The following PCLO variants were observed in gnomAD, a reference collection of about 807,000 sequenced individuals.
PCLO encodes protein piccolo.
Under a neutral mutation model 427.5 loss-of-function variants are expected in PCLO, and 82 were observed. The ratio of observed to expected loss-of-function variants is 0.19; its 90% CI spans 0.16 to 0.23. PCLO has a LOEUF of 0.23. PCLO is among the 10% of genes least tolerant of loss of function. The pLI is 1.00. For synonymous variants in PCLO, 2,357 were observed against 2,155.4 expected, an observed-to-expected ratio of 1.09 and a Z score of -2.59; for missense variants, 6,239 against 6,115.9, an observed-to-expected ratio of 1.02 and a Z score of -0.67.
At chr7:82,914,150 CATCAAGAACTT>C (rs977104949) in intron 7 of PCLO, among the ~76,000 whole-genome samples, 2 of 151,938 alleles carry the variant, frequency 1.3e-5, no homozygotes, top group African/African-American at 4.8e-5. Context: ...ATTATACTAA[CATCAAGAACTT>C]ATCCAAAAGT....
intron 10 of PCLO, among the ~76,000 whole-genome samples, chr7:82,878,453 T>A (rs753605648): frequency 1.1e-4 from 17 of 152,088 alleles, no homozygotes; most frequent in Non-Finnish European, 2.2e-4. Flanking sequence ...AATAAAAAGG[T>A]TGCATTTACT....
intron 24 of PCLO, 56 bp from the exon 25 acceptor site, chr7:82,758,771 T>C (rs1180356406): frequency 3.7e-6 from 4 of 1,094,194 alleles, no homozygotes; most frequent in African/African-American, 1.6e-5. Flanking sequence ...TACATGTGTA[T>C]AGTTTTCAAC....
chr7:82,861,808 A>C (rs924102383), intron 10 of PCLO, among the ~76,000 whole-genome samples: 1 of 152,078 alleles, frequency 6.6e-6, no homozygotes, highest in Admixed American at 6.6e-5. Flanking sequence ...TAAATCTAGA[A>C]ATAACCAGAG....
intron 2 of PCLO, among the ~76,000 whole-genome samples, chr7:83,144,482 T>C (rs1275362232): frequency 1.3e-5 from 2 of 152,258 alleles, no homozygotes; most frequent in Middle Eastern, 3.4e-3. Flanking sequence ...AAAAAGAATG[T>C]TCATAAGGAA....
Position 83,017,804 on chromosome 7 carries a change from T to G in PCLO, c.3301-51317A>C, listed in dbSNP as rs568190458. The G allele has an allele frequency of 4.6e-5, 7 of 152,162 alleles. No individual in the cohort carries two copies. In the East Asian group the frequency reaches 1.4e-3, roughly 29 times the overall value. The allele number at this position is 152,162 out of a possible 1,614,324, so 9.4% of individuals were successfully genotyped here. A position where few individuals can be genotyped will look rare whatever the true frequency, so the allele number is the denominator to read the frequency against. ...ACATTATACAACATATAAAGACTTC[T>G]GATATAATATTAACTATACAATTTT... On this transcript the variant is annotated intron_variant, in intron 3 of 24. Coordinates refer to ENST00000333891, the MANE Select transcript of PCLO (RefSeq NM_033026.6).
At chr7:83,015,062 A>G (rs1788172632) in intron 3 of PCLO, among the ~76,000 whole-genome samples, 1 of 152,140 alleles carries the variant, frequency 6.6e-6, no homozygotes, top group Non-Finnish European at 1.5e-5. Context: ...ACTGAGGCAC[A>G]GGGAGGTAAC....
intron 3 of PCLO, among the ~76,000 whole-genome samples, chr7:83,127,791 A>C (rs1320088906): frequency 6.6e-6 from 1 of 152,134 alleles, no homozygotes; most frequent in African/African-American, 2.4e-5. Context: ...CAGAAAATAT[A>C]GGATGTTCTG....
At position 83,094,235 on chromosome 7, in the gene PCLO, A is replaced by T. The variant is rs139030338; in HGVS notation, c.3300+40015T>A. Among the ~76,000 whole-genome samples, 1,280 of 132,586 alleles carry T rather than the reference A, an allele frequency of 9.7e-3. 22 individuals carry two copies. Among genetic ancestry groups the T allele is most frequent in the African/African-American group, 0.033 (1,142 of 34,202 alleles). 87.0% of individuals were successfully genotyped at this position (132,586 alleles called of 152,430 possible). ...CTTTTTTTTTTTTTTTTTGAGACAG[A>T]GTCTCCGTCTGTCACCAGGCTGGAG... On this transcript the variant is annotated intron_variant, in intron 3 of 24. Coordinates refer to ENST00000333891, the MANE Select transcript of PCLO (RefSeq NM_033026.6).
At chr7:83,096,118 T>C (rs60291737) in intron 3 of PCLO, among the ~76,000 whole-genome samples, 8,253 of 152,188 alleles carry the variant, frequency 0.054, 352 homozygotes, top group African/African-American at 0.1. Context: ...ACATTATTAA[T>C]AGTATATATG....
intron 22 of PCLO, among the ~76,000 whole-genome samples, chr7:82,772,543 A>C (rs551059988): frequency 9.9e-5 from 15 of 152,266 alleles, no homozygotes; most frequent in Non-Finnish European, 1.9e-4. Context: ...GAAATAACCC[A>C]GATTCAACGA....
At chr7:83,074,988 T>C (rs945036003) in intron 3 of PCLO, among the ~76,000 whole-genome samples, 1 of 152,086 alleles carries the variant, frequency 6.6e-6, no homozygotes, top group Non-Finnish European at 1.5e-5. Context: ...ATCTTAGTGG[T>C]CTCTAGCTGA....
chr7:83,086,057 C>T (rs1266071711), intron 3 of PCLO, among the ~76,000 whole-genome samples: 4 of 151,970 alleles, frequency 2.6e-5, no homozygotes, highest in Admixed American at 1.3e-4. Context: ...GGTGTCAAGG[C>T]GCACTGAATC....
At chr7:83,000,236 A>T (rs1583891070) in intron 3 of PCLO, among the ~76,000 whole-genome samples, 1 of 149,300 alleles carries the variant, frequency 6.7e-6, no homozygotes, top group Non-Finnish European at 1.5e-5. Flanking sequence ...CCATGGAAGC[A>T]GGAAAAGAGT....
intron 16 of PCLO, among the ~76,000 whole-genome samples, chr7:82,833,194 AAT>A (rs1025876112): frequency 7.5e-4 from 114 of 152,288 alleles, no homozygotes; most frequent in Non-Finnish European, 1.5e-3. Flanking sequence ...TCCCAGAGGA[AAT>A]AGTTTGATAG....
intron 20 of PCLO, among the ~76,000 whole-genome samples, chr7:82,808,390 A>G (rs1791500370): frequency 6.6e-6 from 1 of 151,912 alleles, no homozygotes; most frequent in African/African-American, 2.4e-5. Context: ...CTTTGGTTTT[A>G]CCTGATGCGA....
intron 3 of PCLO, among the ~76,000 whole-genome samples, chr7:83,121,128 A>AAAAC (rs538647087): frequency 7.0e-5 from 10 of 142,926 alleles, no homozygotes; most frequent in East Asian, 6.4e-4. Flanking sequence ...TAAAAATACA[A>AAAAC]AAACAAACAA....
intron 3 of PCLO, among the ~76,000 whole-genome samples, chr7:83,005,120 G>T (rs1787916091): frequency 6.6e-6 from 1 of 151,488 alleles, no homozygotes; most frequent in East Asian, 1.9e-4. Context: ...ATTTAGAAAA[G>T]AACTACCATA....
intron 3 of PCLO, among the ~76,000 whole-genome samples, chr7:83,088,874 CT>C (rs1252327682): frequency 6.6e-6 from 1 of 152,140 alleles, no homozygotes; most frequent in Non-Finnish European, 1.5e-5. Flanking sequence ...ATTCTCCACA[CT>C]GCTGACGAGA....
chr7:83,152,349 T>A lies in PCLO; in HGVS notation c.1893+2399A>T, dbSNP rs1271012783. Among the ~76,000 whole-genome samples, 4 of 152,334 alleles carry A rather than the reference T, an allele frequency of 2.6e-5. No individual in the cohort carries two copies. In the East Asian group the frequency reaches 7.7e-4, roughly 29 times the overall value. On this transcript the variant is annotated intron_variant, in intron 2 of 24. Coordinates refer to ENST00000333891, the MANE Select transcript of PCLO (RefSeq NM_033026.6). Reference sequence around the variant, plus strand: ...CTCCTATTTATGGTTGAGAGAAGACTGCATATCTAACAAATATTTGATTCT... The same window carrying A: ...CTCCTATTTATGGTTGAGAGAAGACAGCATATCTAACAAATATTTGATTCT...
Sources: gnomAD v4.1 joint callset for allele counts (sites outside exome capture counted in the v4.1 genomes callset) on GRCh38, gnomAD v4.1.1 for gene constraint, MANE v1.5 for transcripts, NCBI Gene and HGNC (gene_info 2026-07-23, HGNC 2026-07-21) for gene names.